The following AK4 variants were observed in gnomAD, a reference collection of about 807,000 sequenced individuals.
AK4 encodes adenylate kinase 4, also known as adenylate kinase 4, mitochondrial.
A neutral mutation model predicts 24.6 loss-of-function variants in AK4; 13 were observed. The ratio of observed to expected loss-of-function variants is 0.53; its 90% CI spans 0.34 to 0.84. The LOEUF is 0.84. AK4 is among the 40% of genes least tolerant of loss of function. The pLI is 0.01. For missense variants in AK4, 192 were observed against 288.2 expected (o/e 0.67, Z 2.42); for synonymous variants, 88 against 107.0 (o/e 0.82, Z 1.10).
chr1:65,210,514 C>A (rs1445646615), intron 2 of AK4, among the ~76,000 whole-genome samples: 1 of 152,156 alleles, frequency 6.6e-6, no homozygotes, highest in Non-Finnish European at 1.5e-5. Context: ...TCTCCACTTT[C>A]TGTATTAAAG....
In AK4 at chr1:65,154,633, T is replaced by C. The variant is rs76023509; in HGVS notation, c.145+6081T>C. 7.4e-4 allele frequency: 359 copies of C among 482,426 alleles called. 1 individual carries two copies. The highest frequency in any genetic ancestry group is 5.4e-3 in the African/African-American group (276 of 51,096). 29.9% of individuals were successfully genotyped at this position (482,426 alleles called of 1,614,324 possible). On this transcript the variant is annotated intron_variant, in intron 1 of 4. Transcript: ENST00000327299. ...CCGTCAGTACGCGAACGATATCAGT[T>C]TTATTAAGTTGGACTAAATGATCCT...
At chr1:65,185,083 C>T (rs1403332150) in intron 1 of AK4, among the ~76,000 whole-genome samples, 1 of 152,180 alleles carries the variant, frequency 6.6e-6, no homozygotes, top group African/African-American at 2.4e-5. Flanking sequence ...GGTTCTCTCT[C>T]AAGGGGCACA....
intron 1 of AK4, among the ~76,000 whole-genome samples, chr1:65,186,514 C>T (rs1651106785): frequency 6.6e-6 from 1 of 152,170 alleles, no homozygotes; most frequent in Admixed American, 6.5e-5. Flanking sequence ...ACTGTTTTAA[C>T]TTTTCCTTCT....
At chr1:65,214,435 A>T (rs545753826) in intron 2 of AK4, among the ~76,000 whole-genome samples, 6 of 152,222 alleles carry the variant, frequency 3.9e-5, no homozygotes, top group African/African-American at 1.2e-4. Context: ...TGATGAAACT[A>T]AGGATCTGAG....
chr1:65,159,581 C>G (rs1650086816), intron 1 of AK4, among the ~76,000 whole-genome samples: 1 of 152,004 alleles, frequency 6.6e-6, no homozygotes, highest in Admixed American at 6.6e-5. Context: ...TGCCTGAGTC[C>G]AGGAGGCTAC....
chr1:65,152,730 TGG>T (rs1312893147), intron 1 of AK4, among the ~76,000 whole-genome samples: 1 of 152,046 alleles, frequency 6.6e-6, no homozygotes, highest in Non-Finnish European at 1.5e-5. Flanking sequence ...CAGCTCTTGC[TGG>T]AGTTTTGCTG....
At chr1:65,193,119 G>T (rs1651360975) in intron 2 of AK4, among the ~76,000 whole-genome samples, 1 of 152,214 alleles carries the variant, frequency 6.6e-6, no homozygotes, top group African/African-American at 2.4e-5. Context: ...CCTAATGGGG[G>T]CTGTCTGCAG....
chr1:65,209,930 CCT>C (rs762092836), intron 2 of AK4, among the ~76,000 whole-genome samples: 14 of 152,210 alleles, frequency 9.2e-5, no homozygotes, highest in Non-Finnish European at 1.9e-4. Flanking sequence ...GCCTCAGCCT[CCT>C]GAGTAGCTGG....
chr1:65,159,267 A>G (rs887905379), intron 1 of AK4, among the ~76,000 whole-genome samples: 1 of 152,222 alleles, frequency 6.6e-6, no homozygotes, highest in African/African-American at 2.4e-5. Context: ...GGACTGACTA[A>G]TGAATGCAAA....
At chr1:65,217,617 A>C (rs1652171426) in intron 2 of AK4, among the ~76,000 whole-genome samples, 1 of 152,204 alleles carries the variant, frequency 6.6e-6, no homozygotes. Context: ...CACCAGAGCC[A>C]AACCTGGAGT....
At chr1:65,226,003 T>C in intron 4 of AK4, 60 bp from the exon 5 acceptor site, 7 of 1,541,978 alleles carry the variant, frequency 4.5e-6, no homozygotes, top group Non-Finnish European at 6.2e-6. Context: ...TAGGATCTTC[T>C]GCACTAATAC....
intron 2 of AK4, among the ~76,000 whole-genome samples, chr1:65,207,337 T>A (rs550672991): frequency 6.6e-6 from 1 of 152,110 alleles, no homozygotes; most frequent in Non-Finnish European, 1.5e-5. Flanking sequence ...CCATCTCAGC[T>A]TTGGGGTCTT....
At chr1:65,155,623 A>G in intron 1 of AK4, among the ~76,000 whole-genome samples, 1 of 151,828 alleles carries the variant, frequency 6.6e-6, no homozygotes. Context: ...TACCAACTGG[A>G]AGGAAAAGTC....
At chr1:65,187,080 C>T (rs540298328) in intron 1 of AK4, among the ~76,000 whole-genome samples, 130 of 151,684 alleles carry the variant, frequency 8.6e-4, no homozygotes, top group Non-Finnish European at 1.5e-3. Flanking sequence ...TCCAGGGAGG[C>T]CGGGCGCGGT....
chr1:65,213,167 C>T (rs889047328), intron 2 of AK4, among the ~76,000 whole-genome samples: 2 of 152,202 alleles, frequency 1.3e-5, no homozygotes, highest in Non-Finnish European at 2.9e-5. Flanking sequence ...ATGTTGCTAC[C>T]TCAAGGTACA....
chr1:65,215,184 T>C (rs1652093625), intron 2 of AK4, among the ~76,000 whole-genome samples: 1 of 151,146 alleles, frequency 6.6e-6, no homozygotes, highest in Non-Finnish European at 1.5e-5. Flanking sequence ...TTCTTTTTTT[T>C]TTGTTTGAGG....
At chr1:65,150,832 A>C (rs1412063230) in intron 1 of AK4, among the ~76,000 whole-genome samples, 1 of 152,166 alleles carries the variant, frequency 6.6e-6, no homozygotes, top group African/African-American at 2.4e-5. Flanking sequence ...TCTTGTCTAC[A>C]TGGCTTTCCT....
At chr1:65,196,357 G>A (rs1651470779) in intron 2 of AK4, among the ~76,000 whole-genome samples, 1 of 152,150 alleles carries the variant, frequency 6.6e-6, no homozygotes, top group Non-Finnish European at 1.5e-5. Flanking sequence ...GTGGGGAGGG[G>A]AGGGAGGGTG....
rs1652139328 is a variant in AK4, at chr1:65,216,607, G to A, written c.266-2147G>A. Among the ~76,000 whole-genome samples the A allele has an allele frequency of 2.1e-5, 3 of 146,104 alleles. 1 individual carries two copies. The highest frequency in any genetic ancestry group is 5.6e-5 in the African/African-American group (2 of 35,808). ...AGAGTTTATAGATGATCTTGAGGTT[G>A]TTTGGGCTGTAGGTACCTTTCTTTT... On this transcript the variant is annotated intron_variant, in intron 2 of 4. Transcript: ENST00000327299.
Sources: allele counts gnomAD v4.1 joint callset (sites outside exome capture counted in the v4.1 genomes callset), GRCh38; gene constraint gnomAD v4.1.1; transcripts MANE v1.5; gene names NCBI Gene and HGNC (gene_info 2026-07-23, HGNC 2026-07-21).